Variants in GRM8 observed in about 807,000 individuals in gnomAD.
GRM8 encodes metabotropic glutamate receptor 8.
GRM8 carries 47 observed loss-of-function variants against 87.2 expected under a neutral mutation model. That is an observed-to-expected ratio of 0.54 (90% CI 0.43 to 0.69). The LOEUF is 0.69. GRM8 is among the 30% of genes least tolerant of loss of function. The pLI is 0.00. For missense variants in GRM8, 1,019 were observed against 1,139.2 expected, an observed-to-expected ratio of 0.89 and a Z score of 1.52; for synonymous variants, 396 against 404.5, an observed-to-expected ratio of 0.98 and a Z score of 0.25.
intron 2 of GRM8, among the ~76,000 whole-genome samples, chr7:127,226,532 C>T (rs1797333149): frequency 6.6e-6 from 1 of 152,146 alleles, no homozygotes; most frequent in South Asian, 2.1e-4. Flanking sequence ...AAACAATCTT[C>T]CTTACACCAA....
chr7:126,632,077 C>G (rs943241547), intron 7 of GRM8, among the ~76,000 whole-genome samples: 1 of 152,142 alleles, frequency 6.6e-6, no homozygotes, highest in African/African-American at 2.4e-5. Context: ...ACAAAACTAT[C>G]ATCAGAGCAA....
chr7:127,136,901 T>G (rs74727750), intron 2 of GRM8, among the ~76,000 whole-genome samples: 1 of 151,880 alleles, frequency 6.6e-6, no homozygotes, highest in Non-Finnish European at 1.5e-5. Flanking sequence ...CCATCAGATA[T>G]AGGCAATTTC....
chr7:126,959,504 A>G (rs897094651), intron 3 of GRM8, among the ~76,000 whole-genome samples: 3 of 152,184 alleles, frequency 2.0e-5, no homozygotes, highest in Non-Finnish European at 2.9e-5. Flanking sequence ...TATTCATCAT[A>G]TTTAGCTTGA....
At chr7:126,961,292 G>T (rs150360953) in intron 3 of GRM8, among the ~76,000 whole-genome samples, 94 of 152,234 alleles carry the variant, frequency 6.2e-4, no homozygotes, top group African/African-American at 1.8e-3. Context: ...TTGATCAAAG[G>T]GTTTTGTAAA....
At chr7:126,954,808 A>G (rs563026958) in intron 3 of GRM8, among the ~76,000 whole-genome samples, 4 of 152,316 alleles carry the variant, frequency 2.6e-5, no homozygotes, top group South Asian at 2.1e-4. Flanking sequence ...TTACTGCAGT[A>G]TTACTGTTTG....
chr7:126,640,438 T>C (rs904966587), intron 7 of GRM8, among the ~76,000 whole-genome samples: 1 of 152,210 alleles, frequency 6.6e-6, no homozygotes, highest in Admixed American at 6.5e-5. Flanking sequence ...ATGAGCTAGA[T>C]TGATGTTTGA....
intron 3 of GRM8, among the ~76,000 whole-genome samples, chr7:127,051,430 G>C (rs567948223): frequency 6.6e-6 from 1 of 151,996 alleles, no homozygotes; most frequent in Non-Finnish European, 1.5e-5. Context: ...AATACCCCAT[G>C]TTAAGTGGAT....
chr7:127,045,053 C>A (rs1305695873), intron 3 of GRM8, among the ~76,000 whole-genome samples: 1 of 152,084 alleles, frequency 6.6e-6, no homozygotes, highest in African/African-American at 2.4e-5. Flanking sequence ...TATTCAGTGA[C>A]ATTTTCATAT....
chr7:126,554,456 G>T (rs1025440184), intron 8 of GRM8, among the ~76,000 whole-genome samples: 3 of 151,644 alleles, frequency 2.0e-5, no homozygotes, highest in Admixed American at 2.0e-4. Context: ...AGCCTGATGT[G>T]GTAGCACATG....
At chr7:126,580,510 G>A (rs1249245703) in intron 8 of GRM8, among the ~76,000 whole-genome samples, 2 of 152,042 alleles carry the variant, frequency 1.3e-5, no homozygotes, top group African/African-American at 4.8e-5. Flanking sequence ...TTGATCATGA[G>A]CTCCACCATC....
At chr7:126,827,469 T>C (rs2130324366) in intron 6 of GRM8, among the ~76,000 whole-genome samples, 1 of 152,316 alleles carries the variant, frequency 6.6e-6, no homozygotes, top group Non-Finnish European at 1.5e-5. Flanking sequence ...TTATTCTCTT[T>C]GAAGCAATTG....
rs138398504 is a variant in GRM8 at position 126,923,161 on chromosome 7, C to T, written c.728-18478G>A. Among the ~76,000 whole-genome samples, 238 of 152,280 alleles carry T rather than the reference C, an allele frequency of 1.6e-3. 2 individuals carry two copies. Among genetic ancestry groups the T allele is most frequent in the African/African-American group, 5.3e-3 (222 of 41,554 alleles). On this transcript the variant is annotated intron_variant, in intron 3 of 10. Coordinates refer to ENST00000339582, the MANE Select transcript of GRM8 (RefSeq NM_000845.3). The stretch of plus-strand genomic sequence containing the variant: ...TTAAAACATTTCTCCACCTTTATGC[C>T]TGTGACTGTATTATCTTATGCTGAT...
intron 7 of GRM8, among the ~76,000 whole-genome samples, chr7:126,611,389 GA>G (rs998658085): frequency 2.0e-5 from 3 of 152,158 alleles, no homozygotes; most frequent in Non-Finnish European, 2.9e-5. Context: ...AGTGCATGGG[GA>G]TAAATTATTC....
chr7:126,908,926 C>A (rs932087550), intron 3 of GRM8, among the ~76,000 whole-genome samples: 4 of 152,130 alleles, frequency 2.6e-5, no homozygotes, highest in African/African-American at 9.7e-5. Context: ...TAAATTATTT[C>A]TCAAATGATT....
chr7:126,599,703 T>C (rs1213484448), intron 8 of GRM8, among the ~76,000 whole-genome samples: 2 of 152,156 alleles, frequency 1.3e-5, no homozygotes, highest in South Asian at 2.1e-4. Context: ...AGAGAGAATA[T>C]GTTTCCTTGT....
At chr7:126,711,576 G>C (rs895032070) in intron 7 of GRM8, among the ~76,000 whole-genome samples, 1 of 152,192 alleles carries the variant, frequency 6.6e-6, no homozygotes, top group Non-Finnish European at 1.5e-5. Flanking sequence ...AAGAGAGTCA[G>C]ACTGTCTTTT....
intron 3 of GRM8, among the ~76,000 whole-genome samples, chr7:127,042,855 A>G (rs903036697): frequency 1.3e-5 from 2 of 152,238 alleles, no homozygotes; most frequent in African/African-American, 4.8e-5. Context: ...ACTTTTTGCA[A>G]TCTACTCATC....
At chr7:126,853,814 C>T (rs1797441169) in intron 6 of GRM8, among the ~76,000 whole-genome samples, 1 of 152,138 alleles carries the variant, frequency 6.6e-6, no homozygotes, top group African/African-American at 2.4e-5. Context: ...CCAACTTCTC[C>T]GTTATTTGCT....
At chr7:126,712,557 GT>G (rs1811213426) in intron 7 of GRM8, among the ~76,000 whole-genome samples, 1 of 152,002 alleles carries the variant, frequency 6.6e-6, no homozygotes, top group Non-Finnish European at 1.5e-5. Flanking sequence ...ATAAAACATG[GT>G]ACACCAAAAG....
Sources: gnomAD v4.1 joint callset for allele counts (sites outside exome capture counted in the v4.1 genomes callset) on GRCh38, gnomAD v4.1.1 for gene constraint, MANE v1.5 for transcripts, NCBI Gene and HGNC (gene_info 2026-07-23, HGNC 2026-07-21) for gene names.